Variants in MACROD2 observed in about 807,000 individuals in gnomAD.
MACROD2 encodes the protein ADP-ribose glycohydrolase MACROD2.
In MACROD2, 36 loss-of-function variants were observed where a neutral mutation model predicts 70.4. The observed-to-expected ratio is 0.51, with a 90% CI of 0.39 to 0.68. The LOEUF (loss-of-function observed/expected upper bound fraction) is 0.68. MACROD2 is among the 30% of genes least tolerant of loss of function. The pLI is 0.00. For missense variants in MACROD2, 496 were observed against 538.4 expected, an observed-to-expected ratio of 0.92 and a Z score of 0.78; for synonymous variants, 172 against 178.8, an observed-to-expected ratio of 0.96 and a Z score of 0.30.
At chr20:14,385,820 T>TA (rs1257571981) in intron 3 of MACROD2, among the ~76,000 whole-genome samples, 2 of 152,258 alleles carry the variant, frequency 1.3e-5, no homozygotes, top group African/African-American at 4.8e-5. Context: ...TCAAGTGATT[T>TA]AAAAACACTG....
intron 10 of MACROD2, among the ~76,000 whole-genome samples, chr20:15,932,162 G>C (rs981387600): frequency 6.6e-6 from 1 of 152,132 alleles, no homozygotes; most frequent in Non-Finnish European, 1.5e-5. Flanking sequence ...GTTCAAGAAG[G>C]CTTGGCTCAC....
At chr20:14,307,115 T>C (rs2082527774) in intron 3 of MACROD2, among the ~76,000 whole-genome samples, 1 of 152,094 alleles carries the variant, frequency 6.6e-6, no homozygotes, top group Non-Finnish European at 1.5e-5. Flanking sequence ...GTATAAAAGT[T>C]ATGGATGACT....
intron 4 of MACROD2, among the ~76,000 whole-genome samples, chr20:14,503,247 C>T (rs1163340312): frequency 6.6e-6 from 1 of 151,990 alleles, no homozygotes; most frequent in Admixed American, 6.6e-5. Context: ...TTAGAGTACA[C>T]AAGGGAAGGG....
intron 3 of MACROD2, among the ~76,000 whole-genome samples, chr20:14,189,370 G>C: frequency 6.6e-6 from 1 of 152,016 alleles, no homozygotes; most frequent in African/African-American, 2.4e-5. Context: ...TTTTTCAAAA[G>C]ACTTTTATTT....
intron 2 of MACROD2, among the ~76,000 whole-genome samples, chr20:14,066,164 G>C (rs552031206): frequency 6.6e-6 from 1 of 152,242 alleles, no homozygotes; most frequent in South Asian, 2.1e-4. Flanking sequence ...TTATACCAGT[G>C]AGTTAGTTAT....
At chr20:15,852,745 G>A (rs1008791173) in intron 8 of MACROD2, among the ~76,000 whole-genome samples, 18 of 152,164 alleles carry the variant, frequency 1.2e-4, no homozygotes, top group African/African-American at 4.3e-4. Flanking sequence ...CAAAAACAGA[G>A]CTGCTTATAT....
chr20:14,633,580 C>A (rs1045240344), intron 4 of MACROD2, among the ~76,000 whole-genome samples: 1 of 152,064 alleles, frequency 6.6e-6, no homozygotes, highest in Non-Finnish European at 1.5e-5. Context: ...CTTAAAAAAA[C>A]CAAATTCATC....
At chr20:14,965,453 CTTT>C (rs532870999) in intron 5 of MACROD2, among the ~76,000 whole-genome samples, 757 of 67,760 alleles carry the variant, frequency 0.011, 2 homozygotes, top group South Asian at 0.026. Context: ...ATTTTTTTTT[CTTT>C]TTTTTTTTTT....
At chr20:14,355,951 G>A (rs2083168491) in intron 3 of MACROD2, among the ~76,000 whole-genome samples, 1 of 152,156 alleles carries the variant, frequency 6.6e-6, no homozygotes, top group South Asian at 2.1e-4. Flanking sequence ...TAGAAAGAGA[G>A]GAATGTGACC....
At chr20:14,225,825 A>T (rs1205883402) in intron 3 of MACROD2, among the ~76,000 whole-genome samples, 1 of 152,202 alleles carries the variant, frequency 6.6e-6, no homozygotes, top group Admixed American at 6.5e-5. Flanking sequence ...TGAAACTTAG[A>T]ATGTTTTTTC....
At chr20:14,733,339 A>T (rs897647453) in intron 5 of MACROD2, among the ~76,000 whole-genome samples, 2 of 152,182 alleles carry the variant, frequency 1.3e-5, no homozygotes, top group African/African-American at 4.8e-5. Flanking sequence ...TTGATTGGTG[A>T]TAGTGAACAG....
At chr20:14,152,289 C>T (rs1212289441) in intron 3 of MACROD2, among the ~76,000 whole-genome samples, 2 of 152,086 alleles carry the variant, frequency 1.3e-5, no homozygotes, top group Non-Finnish European at 2.9e-5. Flanking sequence ...ATCTATTAAG[C>T]AGAATTTATC....
intron 5 of MACROD2, among the ~76,000 whole-genome samples, chr20:15,008,235 C>T (rs562027562): frequency 1.3e-5 from 2 of 152,156 alleles, no homozygotes; most frequent in South Asian, 4.2e-4. Context: ...AATCCCAGCA[C>T]TTTAGGAGGC....
At chr20:13,999,949 G>A (rs891098060) in intron 1 of MACROD2, among the ~76,000 whole-genome samples, 1 of 152,274 alleles carries the variant, frequency 6.6e-6, no homozygotes, top group Admixed American at 6.5e-5. Flanking sequence ...AGGAGGCGGA[G>A]GTTGCAGTGA....
chr20:14,843,220 A>G (rs909181775), intron 5 of MACROD2, among the ~76,000 whole-genome samples: 1 of 83,820 alleles, frequency 1.2e-5, no homozygotes, highest in Non-Finnish European at 2.4e-5. Context: ...TCTTTGTGTT[A>G]TGACTGGGGC....
At chr20:14,050,152 C>T (rs2053544878) in intron 2 of MACROD2, among the ~76,000 whole-genome samples, 1 of 151,506 alleles carries the variant, frequency 6.6e-6, no homozygotes, top group Non-Finnish European at 1.5e-5. Flanking sequence ...CTCGCTTCCT[C>T]ATTCATACTG....
intron 12 of MACROD2, among the ~76,000 whole-genome samples, chr20:15,963,906 C>G (rs1371616745): frequency 2.0e-5 from 3 of 151,962 alleles, no homozygotes; most frequent in African/African-American, 7.3e-5. Flanking sequence ...ATCTACAGCC[C>G]TTTGGCTTGA....
intron 8 of MACROD2, among the ~76,000 whole-genome samples, chr20:15,854,890 T>G (rs2064339848): frequency 6.6e-6 from 1 of 152,192 alleles, no homozygotes; most frequent in Non-Finnish European, 1.5e-5. Context: ...TTAATTCACT[T>G]ATTAAGCAGC....
chr20:14,428,313 C>A (rs2083957453), intron 3 of MACROD2, among the ~76,000 whole-genome samples: 1 of 151,988 alleles, frequency 6.6e-6, no homozygotes. Context: ...AAAAATATGA[C>A]TCGATTAATA....
Sources: allele counts gnomAD v4.1 joint callset (sites outside exome capture counted in the v4.1 genomes callset), GRCh38; gene constraint gnomAD v4.1.1; transcripts MANE v1.5; gene names NCBI Gene and HGNC (gene_info 2026-07-23, HGNC 2026-07-21).